The following SH3RF3 variants were observed in gnomAD, a reference collection of about 807,000 sequenced individuals.
SH3RF3 encodes the protein E3 ubiquitin-protein ligase SH3RF3.
In SH3RF3, 29 loss-of-function variants were observed where a neutral mutation model predicts 66.3. That is an observed-to-expected ratio of 0.44 (90% CI 0.33 to 0.60). SH3RF3 has a LOEUF of 0.60. SH3RF3 is among the 20% of genes least tolerant of loss of function. The pLI is 0.04. For missense variants in SH3RF3, 1,194 were observed against 1,190.9 expected, an observed-to-expected ratio of 1.00 and a Z score of -0.04; for synonymous variants, 583 against 532.0, an observed-to-expected ratio of 1.10 and a Z score of -1.32.
At chr2:109,329,166 C>T (rs541648467) in intron 1 of SH3RF3, among the ~76,000 whole-genome samples, 15 of 152,278 alleles carry the variant, frequency 9.9e-5, no homozygotes, top group African/African-American at 2.2e-4. Context: ...GGTTTCTCTG[C>T]GCATTTGTTT....
intron 1 of SH3RF3, among the ~76,000 whole-genome samples, chr2:109,143,362 A>T (rs903634523): frequency 6.6e-6 from 1 of 152,202 alleles, no homozygotes; most frequent in Non-Finnish European, 1.5e-5. Context: ...TCAAAGCGAG[A>T]TGTGCAATCT....
chr2:109,168,819 A>G (rs1011844612), intron 1 of SH3RF3, among the ~76,000 whole-genome samples: 1 of 152,224 alleles, frequency 6.6e-6, no homozygotes, highest in Non-Finnish European at 1.5e-5. Flanking sequence ...CTGGTGGGCA[A>G]CTGTGTTTTT....
rs1677019171 is a variant in SH3RF3 at position 109,143,644 on chromosome 2, C to T, written c.573+13531C>T. On this transcript the variant is annotated intron_variant, in intron 1 of 9. Transcript: ENST00000309415. ...TGGTGCATGCCTGTAGTCCTAGATA[C>T]ATAAGAGGCTGAGGTAGGAGGATTT... 3.3e-5 allele frequency among the ~76,000 whole-genome samples: 5 copies of T among 152,140 alleles called. 1 individual carries two copies. The South Asian group carries it at 1.0e-3, about 32-fold the overall frequency.
chr2:109,368,543 T>C (rs1489787499), intron 2 of SH3RF3, among the ~76,000 whole-genome samples: 2 of 152,034 alleles, frequency 1.3e-5, no homozygotes, highest in African/African-American at 4.8e-5. Context: ...TTGGCAACCT[T>C]CCTCAAATTC....
intron 8 of SH3RF3, among the ~76,000 whole-genome samples, chr2:109,453,152 C>T (rs999588132): frequency 6.6e-6 from 1 of 152,280 alleles, no homozygotes; most frequent in African/African-American, 2.4e-5. Flanking sequence ...TTTCTCCAGA[C>T]CCATTCCTGA....
At chr2:109,387,868 G>A (rs1227115154) in intron 3 of SH3RF3, among the ~76,000 whole-genome samples, 1 of 147,312 alleles carries the variant, frequency 6.8e-6, no homozygotes, top group East Asian at 2.0e-4. Context: ...TGGGGGGGGG[G>A]TCTCCTCCCC....
chr2:109,325,832 G>C (rs1682141648), intron 1 of SH3RF3, among the ~76,000 whole-genome samples: 1 of 152,206 alleles, frequency 6.6e-6, no homozygotes, highest in African/African-American at 2.4e-5. Flanking sequence ...GGCCCGAGCA[G>C]GGACCACACC....
chr2:109,353,928 G>A (rs770578204), intron 2 of SH3RF3, among the ~76,000 whole-genome samples: 6 of 152,104 alleles, frequency 3.9e-5, no homozygotes, highest in Admixed American at 3.3e-4. Context: ...GTTCAGATAC[G>A]TGAACACGAT....
chr2:109,374,834 A>G (rs1683346180), intron 3 of SH3RF3, among the ~76,000 whole-genome samples: 1 of 152,114 alleles, frequency 6.6e-6, no homozygotes. Flanking sequence ...GCCTGGCCTC[A>G]CCTGGCCTCA....
chr2:109,474,161 A>G (rs1435046155), intron 8 of SH3RF3, among the ~76,000 whole-genome samples: 1 of 152,136 alleles, frequency 6.6e-6, no homozygotes, highest in Non-Finnish European at 1.5e-5. Context: ...GCTTGGCCGC[A>G]CCTGCGTAAG....
At chr2:109,298,328 T>A (rs1485200178) in intron 1 of SH3RF3, among the ~76,000 whole-genome samples, 1 of 152,126 alleles carries the variant, frequency 6.6e-6, no homozygotes, top group South Asian at 2.1e-4. Context: ...TCTATGTCTG[T>A]CATCCTTGTC....
At chr2:109,426,632 A>T (rs1299334718) in intron 5 of SH3RF3, among the ~76,000 whole-genome samples, 1 of 152,214 alleles carries the variant, frequency 6.6e-6, no homozygotes, top group Non-Finnish European at 1.5e-5. Flanking sequence ...CATTGAAATG[A>T]CAACAAAGAG....
At chr2:109,344,318 C>T (rs1405402893) in intron 1 of SH3RF3, among the ~76,000 whole-genome samples, 3 of 151,888 alleles carry the variant, frequency 2.0e-5, no homozygotes, top group African/African-American at 7.3e-5. Flanking sequence ...CAGGTGGTGA[C>T]GGGGGAGCAG....
intron 8 of SH3RF3, among the ~76,000 whole-genome samples, chr2:109,458,516 T>G (rs1208950573): frequency 6.7e-6 from 1 of 149,192 alleles, no homozygotes; most frequent in Non-Finnish European, 1.5e-5. Context: ...ACTATAAAAA[T>G]TAATTATTGG....
intron 1 of SH3RF3, among the ~76,000 whole-genome samples, chr2:109,248,770 T>C (rs916747102): frequency 1.3e-5 from 2 of 151,176 alleles, no homozygotes; most frequent in African/African-American, 4.9e-5. Flanking sequence ...CTCTCTCTCT[T>C]TCTCTTCTTT....
At chr2:109,424,631 T>C (rs116401621) in intron 5 of SH3RF3, among the ~76,000 whole-genome samples, 359 of 152,352 alleles carry the variant, frequency 2.4e-3, no homozygotes, top group African/African-American at 7.9e-3. Flanking sequence ...TTTATGGTGA[T>C]GTGATCAGTG....
chr2:109,133,577 T>A (rs1373286376), intron 1 of SH3RF3, among the ~76,000 whole-genome samples: 1 of 135,176 alleles, frequency 7.4e-6, no homozygotes, highest in Non-Finnish European at 1.7e-5. Flanking sequence ...AGACTAAGAT[T>A]TTCAAAGGAT....
At chr2:109,161,258 ATGAGT>A (rs964252040) in intron 1 of SH3RF3, among the ~76,000 whole-genome samples, 4 of 152,126 alleles carry the variant, frequency 2.6e-5, no homozygotes, top group African/African-American at 9.7e-5. Context: ...GTATGCAGTG[ATGAGT>A]TGAGTTTAGT....
chr2:109,242,481 C>T (rs1172513652), intron 1 of SH3RF3, among the ~76,000 whole-genome samples: 1 of 152,276 alleles, frequency 6.6e-6, no homozygotes, highest in South Asian at 2.1e-4. Context: ...CTGAGCCGCC[C>T]CAGTGACACA....
Sources: gnomAD v4.1 joint callset for allele counts (sites outside exome capture counted in the v4.1 genomes callset) on GRCh38, gnomAD v4.1.1 for gene constraint, MANE v1.5 for transcripts, NCBI Gene and HGNC (gene_info 2026-07-23, HGNC 2026-07-21) for gene names.